DGAT2L6: variants seen among roughly 807,000 people sequenced by gnomAD.
DGAT2L6 encodes diacylglycerol O-acyltransferase 2-like protein 6.
Under a neutral mutation model 25.5 loss-of-function variants are expected in DGAT2L6, and 22 were observed. The ratio of observed to expected loss-of-function variants is 0.86; its 90% CI spans 0.62 to 1.23. The LOEUF is 1.23. Among genes scored for constraint, DGAT2L6 ranks in the 50% most tolerant of loss-of-function variants. The pLI is 0.00. For synonymous variants in DGAT2L6, 100 were observed against 94.7 expected (o/e 1.06, Z -0.32); for missense variants, 287 against 253.2 (o/e 1.13, Z -0.91).
In DGAT2L6 at chrX:70,204,446, C is replaced by T; in HGVS notation, c.789C>T (p.Thr263=). ...FKKILGLNFC[T]FHGRGFTRGS... The stretch of plus-strand genomic sequence containing the variant: ...AAATCCTGGGACTAAATTTCTGTAC[C>T]TTCCATGGCCGGGGCTTCACTCGCG... The change falls in exon 6 of 7, where the codon ACC becomes ACT. Residue 263 remains threonine, a synonymous_variant. Transcript: ENST00000333026. 1 of 1,211,568 alleles carries T rather than the reference C, an allele frequency of 8.3e-7. No homozygotes were observed.
At chrX:70,204,152 G>A (rs933289355) in intron 5 of DGAT2L6, among the ~76,000 whole-genome samples, 153 bp from the exon 6 acceptor site, 6 of 111,529 alleles carry the variant, frequency 5.4e-5, no homozygotes, top group African/African-American at 2.0e-4. Flanking sequence ...TTGGGAGAGT[G>A]AGGCATGGCA....
Position 70,179,989 on chromosome X carries a change from A to G in DGAT2L6, c.85+2322A>G, listed in dbSNP as rs376086297. 6.3e-5 allele frequency among the ~76,000 whole-genome samples: 7 copies of G among 111,490 alleles called. No individual in the cohort carries two copies. In the East Asian group the frequency reaches 1.7e-3, roughly 27 times the overall value. ...AAGGACACTGTGTCCTGCTGGGTAT[A>G]GGGTAGAGAGTGTATCAGACAACTG... On this transcript the variant is annotated intron_variant, in intron 1 of 6. Transcript: ENST00000333026.
intron 1 of DGAT2L6, among the ~76,000 whole-genome samples, chrX:70,181,985 C>G: frequency 9.0e-6 from 1 of 111,641 alleles, no homozygotes; most frequent in Non-Finnish European, 1.9e-5. Context: ...TGTCTGCCTT[C>G]CTCCCTTCCT....
intron 1 of DGAT2L6, among the ~76,000 whole-genome samples, chrX:70,180,134 A>C (rs1299413079): frequency 1.8e-5 from 2 of 109,819 alleles, no homozygotes; most frequent in Non-Finnish European, 3.8e-5. Flanking sequence ...GATGATACCT[A>C]TGGGTCTTCA....
intron 3 of DGAT2L6, 108 bp downstream of exon 3, chrX:70,199,990 C>T: frequency 1.2e-6 from 1 of 822,934 alleles, no homozygotes. Flanking sequence ...AAGGTCAAGG[C>T]CCCGAGTCAT....
In DGAT2L6 at chrX:70,177,579, A is replaced by T; in HGVS notation, c.-4A>T. The T allele has an allele frequency of 8.3e-7, 1 of 1,209,943 alleles. No individual in the cohort carries two copies. Among genetic ancestry groups the T allele is most frequent in the Non-Finnish European group, 1.1e-6 (1 of 893,996 alleles). On this transcript the variant is annotated 5_prime_UTR_variant, in exon 1 of 7. Transcript: ENST00000333026. The stretch of plus-strand genomic sequence containing the variant: ...TCTTGCCACAACAGAACAGCACCAT[A>T]ACCATGGCTTTCTTCTCCCGACTGA...
chrX:70,185,133 C>T (rs1025609636), intron 1 of DGAT2L6, among the ~76,000 whole-genome samples: 1 of 111,399 alleles, frequency 9.0e-6, no homozygotes, highest in African/African-American at 3.3e-5. Flanking sequence ...GCTTCATCTC[C>T]TGTACCACGG....
chrX:70,196,531 G>T (rs1201871808), intron 1 of DGAT2L6, among the ~76,000 whole-genome samples: 1 of 95,530 alleles, frequency 1.0e-5, no homozygotes, highest in Non-Finnish European at 2.2e-5. Flanking sequence ...AAAGAAAAAA[G>T]AAAGAAAGAA....
At chrX:70,198,892 G>A (rs917086081) in intron 1 of DGAT2L6, among the ~76,000 whole-genome samples, 1 of 112,283 alleles carries the variant, frequency 8.9e-6, no homozygotes, top group Non-Finnish European at 1.9e-5. Context: ...AGACTTATCA[G>A]TTCAGCACAG....
chrX:70,185,366 C>T (rs953972088), intron 1 of DGAT2L6, among the ~76,000 whole-genome samples: 12 of 112,271 alleles, frequency 1.1e-4, no homozygotes, highest in Non-Finnish European at 1.7e-4. Flanking sequence ...GTTTTCCACA[C>T]GTATTAATGT....
chrX:70,195,040 T>C (rs964345985), intron 1 of DGAT2L6, among the ~76,000 whole-genome samples: 2 of 111,157 alleles, frequency 1.8e-5, no homozygotes, highest in African/African-American at 6.5e-5. Flanking sequence ...TACCACTCAA[T>C]AGAAAAAAAT....
chrX:70,200,609 C>G (rs370500090), intron 4 of DGAT2L6, 150 bp downstream of exon 4: 46 of 529,522 alleles, frequency 8.7e-5, no homozygotes, highest in African/African-American at 7.4e-4. Context: ...TGTGGCTAAG[C>G]ATTAGTTTCT....
intron 1 of DGAT2L6, among the ~76,000 whole-genome samples, chrX:70,188,510 G>C (rs1340702058): frequency 1.8e-5 from 2 of 111,158 alleles, no homozygotes; most frequent in Non-Finnish European, 3.8e-5. Flanking sequence ...GAGATTTTCA[G>C]ACCCAGATGG....
Position 70,191,989 on chromosome X carries a change from G to A in DGAT2L6, c.86-7282G>A, listed in dbSNP as rs4259555. On this transcript the variant is annotated intron_variant, in intron 1 of 6. Transcript: ENST00000333026. The stretch of plus-strand genomic sequence containing the variant: ...AAGCCAGGCATGGTGGCTCATGTCT[G>A]TAATCCCAGCATGTTGGGAGGCTGA... Among the ~76,000 whole-genome samples, 53 of 112,084 alleles carry A rather than the reference G, an allele frequency of 4.7e-4. No homozygotes were observed. The South Asian group carries it at 0.018, about 38-fold the overall frequency.
At chrX:70,181,988 CCCTT>C (rs1394697465) in intron 1 of DGAT2L6, among the ~76,000 whole-genome samples, 1 of 111,567 alleles carries the variant, frequency 9.0e-6, no homozygotes, top group African/African-American at 3.3e-5. Flanking sequence ...CTGCCTTCCT[CCCTT>C]CCTTCCTCCT....
intron 1 of DGAT2L6, among the ~76,000 whole-genome samples, chrX:70,195,652 G>C (rs1486294216): frequency 8.9e-6 from 1 of 111,802 alleles, no homozygotes; most frequent in Admixed American, 9.5e-5. Flanking sequence ...TAGCTACTCA[G>C]GAGGCTGAGG....
In DGAT2L6 at chrX:70,205,611, A is replaced by T. The variant is rs1472958633; in HGVS notation, c.*505A>T. 7 of 112,500 alleles carry T rather than the reference A, an allele frequency of 6.2e-5. No individual in the cohort carries two copies. Among genetic ancestry groups the T allele is most frequent in the African/African-American group, 2.0e-4 (6 of 30,511 alleles). The allele number at this position is 112,500 out of a possible 1,213,427, so 9.3% of individuals were successfully genotyped here. A position where few individuals can be genotyped will look rare whatever the true frequency, so the allele number is the denominator to read the frequency against. ...AACTGTAGCTGCCTGGTCCAAGCAGACAGGATTCCGTCAGTTGTGATAGAG... is the reference window on the plus strand; with the variant it reads ...AACTGTAGCTGCCTGGTCCAAGCAGTCAGGATTCCGTCAGTTGTGATAGAG... On this transcript the variant is annotated 3_prime_UTR_variant, in exon 7 of 7. Transcript: ENST00000333026.
At chrX:70,178,961 G>A (rs2085335023) in intron 1 of DGAT2L6, among the ~76,000 whole-genome samples, 1 of 112,379 alleles carries the variant, frequency 8.9e-6, no homozygotes, top group African/African-American at 3.2e-5. Context: ...TGGCACTGCT[G>A]TTAGATCTGG....
intron 1 of DGAT2L6, among the ~76,000 whole-genome samples, chrX:70,185,878 GT>G (rs34139264): frequency 0.24 from 22,930 of 94,551 alleles, 2,272 homozygotes; most frequent in African/African-American, 0.36. Flanking sequence ...TTGTTTTTTT[GT>G]TTTTTTTTTT....
Sources: allele counts gnomAD v4.1 joint callset (sites outside exome capture counted in the v4.1 genomes callset), GRCh38; gene constraint gnomAD v4.1.1; transcripts MANE v1.5; gene names NCBI Gene and HGNC (gene_info 2026-07-23, HGNC 2026-07-21).